Variants in PRKACB observed in about 807,000 individuals in gnomAD.
The protein encoded by PRKACB is protein kinase cAMP-activated catalytic subunit beta.
In PRKACB, 16 loss-of-function variants were observed where a neutral mutation model predicts 51.4. The observed-to-expected ratio is 0.31, with a 90% CI of 0.21 to 0.47. PRKACB has a LOEUF of 0.47. PRKACB is among the 20% of genes least tolerant of loss of function. The pLI is 1.00. For synonymous variants in PRKACB, 147 were observed against 154.4 expected (o/e 0.95, Z 0.35); for missense variants, 309 against 464.5 (o/e 0.67, Z 3.08).
chr1:84,234,014 T>C, intron 9 of PRKACB, among the ~76,000 whole-genome samples: 1 of 151,812 alleles, frequency 6.6e-6, no homozygotes, highest in Non-Finnish European at 1.5e-5. Flanking sequence ...TTCCAGTTTT[T>C]CTGCTCTGTT....
At chr1:84,093,241 T>C (rs1276882303) in intron 1 of PRKACB, among the ~76,000 whole-genome samples, 1 of 151,874 alleles carries the variant, frequency 6.6e-6, no homozygotes, top group African/African-American at 2.4e-5. Flanking sequence ...TATTTAGAAC[T>C]ACAGTCTGTC....
intron 1 of PRKACB, among the ~76,000 whole-genome samples, chr1:84,148,608 G>A (rs1250811066): frequency 6.6e-6 from 1 of 151,986 alleles, no homozygotes; most frequent in East Asian, 1.9e-4. Flanking sequence ...GTGCTATTGT[G>A]ATCTTTGCAA....
chr1:84,179,488 A>G (rs572409851), intron 2 of PRKACB, among the ~76,000 whole-genome samples: 1 of 152,000 alleles, frequency 6.6e-6, no homozygotes, highest in African/African-American at 2.4e-5. Flanking sequence ...TCCAGTTGCT[A>G]TAAAATCTTA....
At chr1:84,119,869 A>G (rs1393395179) in intron 1 of PRKACB, among the ~76,000 whole-genome samples, 1 of 152,060 alleles carries the variant, frequency 6.6e-6, no homozygotes, top group African/African-American at 2.4e-5. Flanking sequence ...TTTTCAGGGT[A>G]GTAGTTTAGA....
At chr1:84,098,933 G>A (rs1420445061) in intron 1 of PRKACB, among the ~76,000 whole-genome samples, 2 of 152,054 alleles carry the variant, frequency 1.3e-5, no homozygotes, top group Non-Finnish European at 2.9e-5. Context: ...ATCCTGGTAA[G>A]GTTTAAAGAT....
intron 1 of PRKACB, among the ~76,000 whole-genome samples, chr1:84,090,653 T>G (rs977285434): frequency 6.6e-6 from 1 of 152,168 alleles, no homozygotes; most frequent in African/African-American, 2.4e-5. Context: ...CCTCTACATG[T>G]GGCTTGGGCC....
upstream of PRKACB, among the ~76,000 whole-genome samples, chr1:84,143,085 G>A (rs886249608): frequency 6.6e-6 from 1 of 151,266 alleles, no homozygotes; most frequent in Non-Finnish European, 1.5e-5. Context: ...CAAAATTTTT[G>A]TTAAATGCCA....
chr1:84,139,868 C>T (rs144694181), upstream of PRKACB, among the ~76,000 whole-genome samples: 347 of 152,240 alleles, frequency 2.3e-3, no homozygotes, highest in African/African-American at 7.8e-3. Context: ...ACCATCCTGG[C>T]TAACACGGTG....
chr1:84,215,769 A>G (rs1198296338), intron 9 of PRKACB, among the ~76,000 whole-genome samples: 1 of 152,182 alleles, frequency 6.6e-6, no homozygotes, highest in African/African-American at 2.4e-5. Context: ...CATTTAAGAA[A>G]AGATTTTGCT....
intron 1 of PRKACB, among the ~76,000 whole-genome samples, chr1:84,159,186 A>AT (rs1469399519): frequency 1.3e-5 from 2 of 152,026 alleles, no homozygotes; most frequent in Non-Finnish European, 2.9e-5. Context: ...GCTTTATTAG[A>AT]TTTTCATAGA....
chr1:84,085,841 C>T, intron 1 of PRKACB: 1 of 486,118 alleles, frequency 2.1e-6, no homozygotes, highest in Non-Finnish European at 3.8e-6. Flanking sequence ...GCCCTGCAGA[C>T]CCCACAGTGC....
chr1:84,208,662 A>C (rs905683714), intron 8 of PRKACB, among the ~76,000 whole-genome samples: 1 of 152,192 alleles, frequency 6.6e-6, no homozygotes, highest in Non-Finnish European at 1.5e-5. Flanking sequence ...TAATTCAAAA[A>C]TTCAGTTTCA....
upstream of PRKACB, among the ~76,000 whole-genome samples, chr1:84,142,710 AT>A (rs1357224425): frequency 6.6e-6 from 1 of 152,204 alleles, no homozygotes; most frequent in East Asian, 1.9e-4. Flanking sequence ...AAAGCTATAA[AT>A]TTAAGTTTAT....
chr1:84,167,128 G>A (rs1187606195), intron 1 of PRKACB, among the ~76,000 whole-genome samples: 1 of 151,456 alleles, frequency 6.6e-6, no homozygotes, highest in Non-Finnish European at 1.5e-5. Flanking sequence ...CACTGGGATG[G>A]CTTCTAGATC....
chr1:84,084,752 C>A (rs977559176), intron 1 of PRKACB, among the ~76,000 whole-genome samples: 1 of 152,074 alleles, frequency 6.6e-6, no homozygotes, highest in Non-Finnish European at 1.5e-5. Context: ...TGGGTTGTAA[C>A]GCCAGTAATA....
chr1:84,185,159 T>C lies in PRKACB; in HGVS notation c.537T>C (p.His179=). Reference sequence around the variant, plus strand: ...TCCCTGGGGGTGAAATGTTTTCACATCTAAGAAGAATTGGAAGGTTCAGGT... The same window carrying C: ...TCCCTGGGGGTGAAATGTTTTCACACCTAAGAAGAATTGGAAGGTTCAGGT... ...EYVPGGEMFS[H]LRRIGRFSEP... is the part of the protein sequence containing the mutation. The change falls in exon 5 of 10, where the codon CAT becomes CAC. Residue 179 remains histidine (H), a synonymous_variant. Transcript: ENST00000370685. 5 of 1,511,108 alleles carry C rather than the reference T, an allele frequency of 3.3e-6. No individual in the cohort carries two copies. The highest frequency in any genetic ancestry group is 4.4e-6 in the Non-Finnish European group (5 of 1,134,300). 93.6% of individuals were successfully genotyped at this position (1,511,108 alleles called of 1,614,324 possible). A position where few individuals can be genotyped will look rare whatever the true frequency, so the allele number is the denominator to read the frequency against.
At chr1:84,204,451 T>C in intron 8 of PRKACB, 1 of 1,501,040 alleles carries the variant, frequency 6.7e-7, no homozygotes, top group Non-Finnish European at 9.3e-7. Context: ...GCTTCAGACT[T>C]CTTATCTTTG....
intron 5 of PRKACB, among the ~76,000 whole-genome samples, chr1:84,192,051 A>G (rs1010773347): frequency 6.6e-6 from 1 of 152,146 alleles, no homozygotes; most frequent in African/African-American, 2.4e-5. Context: ...TGTATAAATA[A>G]AAATATTACA....
At chr1:84,148,441 A>G (rs1442185141) in intron 1 of PRKACB, among the ~76,000 whole-genome samples, 1 of 150,436 alleles carries the variant, frequency 6.6e-6, no homozygotes, top group African/African-American at 2.4e-5. Flanking sequence ...ATCCTTATGT[A>G]TCTGTCTCTC....
Sources: allele counts gnomAD v4.1 joint callset (sites outside exome capture counted in the v4.1 genomes callset), GRCh38; gene constraint gnomAD v4.1.1; transcripts MANE v1.5; gene names NCBI Gene and HGNC (gene_info 2026-07-23, HGNC 2026-07-21).